CBL: variants seen among roughly 807,000 people sequenced by gnomAD.
The protein encoded by CBL is Cbl proto-oncogene, also known as E3 ubiquitin-protein ligase CBL.
Under a neutral mutation model 96.9 loss-of-function variants are expected in CBL, and 45 were observed. The observed-to-expected ratio is 0.46, with a 90% CI of 0.37 to 0.60. CBL has a LOEUF of 0.60. Among genes scored for constraint, CBL ranks in the 20% least tolerant of loss-of-function variants. CBL has a pLI of 0.00. For synonymous variants in CBL, 420 were observed against 426.8 expected (o/e 0.98, Z 0.20); for missense variants, 1,024 against 1,143.5 (o/e 0.90, Z 1.51).
rs926299802 is a variant in CBL, at chr11:119,227,876, A to G, written c.196-4572A>G. Among the ~76,000 whole-genome samples, 47 of 152,140 alleles carry G rather than the reference A, an allele frequency of 3.1e-4. 1 individual carries two copies. The highest frequency in any genetic ancestry group is 1.5e-5 in the Non-Finnish European group (1 of 68,030). On this transcript the variant is annotated intron_variant, in intron 1 of 15. Transcript: ENST00000264033. The stretch of plus-strand genomic sequence containing the variant: ...ACCTTATAATTTTCTTGTTGAATTC[A>G]TTTTTATTGTTTTATTGCTTGATTC...
At chr11:119,243,516 T>A (rs200100717) in intron 2 of CBL, among the ~76,000 whole-genome samples, 16 of 132,488 alleles carry the variant, frequency 1.2e-4, no homozygotes, top group African/African-American at 2.1e-4. Context: ...AAAAAAAAAA[T>A]TTTTTTTTTT....
At chr11:119,238,342 T>C (rs1949560679) in intron 2 of CBL, among the ~76,000 whole-genome samples, 1 of 151,886 alleles carries the variant, frequency 6.6e-6, no homozygotes, top group African/African-American at 2.4e-5. Flanking sequence ...CCTGAGTAGC[T>C]GGGATTACAG....
At chr11:119,293,677 C>A (rs1396372812) in intron 12 of CBL, among the ~76,000 whole-genome samples, 1 of 152,116 alleles carries the variant, frequency 6.6e-6, no homozygotes, top group African/African-American at 2.4e-5. Flanking sequence ...CATTATACCC[C>A]AAAATTCCTG....
chr11:119,254,235 A>G (rs1949694135), intron 2 of CBL, among the ~76,000 whole-genome samples: 1 of 152,220 alleles, frequency 6.6e-6, no homozygotes, highest in Non-Finnish European at 1.5e-5. Flanking sequence ...TGCTTAAAAT[A>G]GTAAATTTTG....
chr11:119,229,340 G>A (rs1299083269), intron 1 of CBL, among the ~76,000 whole-genome samples: 2 of 152,104 alleles, frequency 1.3e-5, no homozygotes, highest in Admixed American at 1.3e-4. Context: ...CCCTGGCCAT[G>A]TTCTTCCCTT....
Position 119,206,839 on chromosome 11 carries a change from G to C in CBL, c.195+227G>C, listed in dbSNP as rs932964348. Among the ~76,000 whole-genome samples, 4 of 151,968 alleles carry C rather than the reference G, an allele frequency of 2.6e-5. No homozygotes were observed. In the South Asian group the frequency reaches 6.3e-4, roughly 24 times the overall value. On this transcript the variant is annotated intron_variant, in intron 1 of 15. Coordinates refer to ENST00000264033, the MANE Select transcript of CBL (RefSeq NM_005188.4). ...GTTGGGAGTCGGGGAACGCTGGGGT[G>C]CCGCGTTTGGGGTAGCCAGACAAAG...
intron 1 of CBL, among the ~76,000 whole-genome samples, chr11:119,219,221 A>G (rs1274470064): frequency 6.6e-6 from 1 of 152,056 alleles, no homozygotes; most frequent in Non-Finnish European, 1.5e-5. Flanking sequence ...CTACTAAAAA[A>G]TACAAAAATT....
intron 5 of CBL, 113 bp downstream of exon 5, chr11:119,275,066 A>T: frequency 9.4e-7 from 1 of 1,061,624 alleles, no homozygotes; most frequent in Non-Finnish European, 1.4e-6. Flanking sequence ...AAGGTTCTGC[A>T]ATAGGATTGA....
intron 1 of CBL, among the ~76,000 whole-genome samples, chr11:119,227,500 C>T (rs772280144): frequency 3.3e-5 from 5 of 152,062 alleles, no homozygotes; most frequent in Non-Finnish European, 7.4e-5. Context: ...AGTCACCCAG[C>T]ACTTTCTTAT....
Position 119,300,359 on chromosome 11 carries a change from G to GA in CBL, c.*578_*579insA. 2.5e-6 allele frequency: 1 copy of GA among 406,818 alleles called. No homozygotes were observed. The highest frequency in any genetic ancestry group is 4.0e-5 in the Admixed American group (1 of 24,708). The allele number at this position is 406,818 out of a possible 1,614,324, so 25.2% of individuals were successfully genotyped here. A position where few individuals can be genotyped will look rare whatever the true frequency, so the allele number is the denominator to read the frequency against. On this transcript the variant is annotated 3_prime_UTR_variant, in exon 16 of 16. Transcript: ENST00000264033. ...TTATATTACCATGTGCATAGCTAAA[G>GA]TCTTCTATTTTTAGAACACCTTCTG... is the stretch of plus-strand genomic sequence containing the variant.
In CBL at chr11:119,233,690, C is replaced by G. The variant is rs1949521846; in HGVS notation, c.443+995C>G. Among the ~76,000 whole-genome samples, 7 of 152,268 alleles carry G rather than the reference C, an allele frequency of 4.6e-5. No homozygotes were observed. The South Asian group carries it at 1.4e-3, about 32-fold the overall frequency. ...CAATTTGAACTAAATATTAACTCATCTAGAATGAGTAATAAAATAATTCCA... is the reference window on the plus strand; with the variant it reads ...CAATTTGAACTAAATATTAACTCATGTAGAATGAGTAATAAAATAATTCCA... On this transcript the variant is annotated intron_variant, in intron 2 of 15. Coordinates refer to ENST00000264033, the MANE Select transcript of CBL (RefSeq NM_005188.4).
Position 119,278,642 on chromosome 11 carries a change from A to G in CBL, c.1360A>G (p.Asn454Asp), listed in dbSNP as rs371850672. Residue 454 changes from asparagine to aspartate, a missense_variant, in exon 9 of 16, where the codon AAT becomes GAT. Asn to Asp is a conservative substitution (Grantham distance 23, BLOSUM62 1). This residue lies in a region of CBL where 695 missense variants were observed against 661.6 expected (regional missense o/e 1.05). Coordinates refer to ENST00000264033, the MANE Select transcript of CBL (RefSeq NM_005188.4). The stretch of plus-strand genomic sequence containing the variant: ...AGGAGCAGAGGGAGCTCCCTCCCCA[A>G]ATTATGATGATGATGATGATGAACG... ...RQGAEGAPSP[N>D]YDDDDDERAD... 2.2e-5 allele frequency: 35 copies of G among 1,613,924 alleles called. No individual in the cohort carries two copies. The highest frequency in any genetic ancestry group is 2.9e-5 in the Non-Finnish European group (34 of 1,180,004).
chr11:119,249,372 A>G (rs747180925), intron 2 of CBL, among the ~76,000 whole-genome samples: 12 of 152,070 alleles, frequency 7.9e-5, no homozygotes, highest in South Asian at 2.1e-4. Context: ...CCTGGCCAAC[A>G]TGGAAAAACC....
At chr11:119,272,585 A>G (rs566242761) in intron 3 of CBL, among the ~76,000 whole-genome samples, 1 of 152,248 alleles carries the variant, frequency 6.6e-6, no homozygotes, top group African/African-American at 2.4e-5. Flanking sequence ...GTATTGTCCA[A>G]TTTCTTTCCA....
chr11:119,229,163 C>A (rs993830462), intron 1 of CBL, among the ~76,000 whole-genome samples: 3 of 152,132 alleles, frequency 2.0e-5, no homozygotes, highest in Non-Finnish European at 4.4e-5. Flanking sequence ...TAGGAAACTA[C>A]AATTTTAATA....
At chr11:119,220,299 C>T (rs979114815) in intron 1 of CBL, among the ~76,000 whole-genome samples, 2 of 152,190 alleles carry the variant, frequency 1.3e-5, no homozygotes, top group Admixed American at 6.5e-5. Flanking sequence ...CTGCACCTGG[C>T]CCATTTTTGC....
chr11:119,245,742 A>G (rs1392894133), intron 2 of CBL, among the ~76,000 whole-genome samples: 3 of 152,054 alleles, frequency 2.0e-5, no homozygotes, highest in African/African-American at 7.2e-5. Flanking sequence ...AAAACAAACA[A>G]AAAAGAAATA....
intron 1 of CBL, among the ~76,000 whole-genome samples, chr11:119,230,310 G>T (rs947080382): frequency 6.6e-5 from 10 of 151,866 alleles, no homozygotes; most frequent in South Asian, 2.1e-4. Context: ...CCGCCACCAC[G>T]CCCGGCTAAT....
At chr11:119,219,810 A>T (rs1949393395) in intron 1 of CBL, among the ~76,000 whole-genome samples, 1 of 150,270 alleles carries the variant, frequency 6.7e-6, no homozygotes, top group African/African-American at 2.5e-5. Context: ...CAGCCTCCCA[A>T]GTAGCTGGGA....
Sources: gnomAD v4.1 joint callset for allele counts (sites outside exome capture counted in the v4.1 genomes callset) on GRCh38, gnomAD v4.1.1 for gene constraint, gnomAD v4.1.1 regional missense constraint, MANE v1.5 for transcripts, NCBI Gene and HGNC (gene_info 2026-07-23, HGNC 2026-07-21) for gene names.